The following DEPDC5 variants were observed in gnomAD, a reference collection of about 807,000 sequenced individuals.
DEPDC5 encodes the protein GATOR1 complex protein DEPDC5.
DEPDC5 carries 73 observed loss-of-function variants against 217.3 expected under a neutral mutation model. The observed-to-expected ratio is 0.34, with a 90% confidence interval of 0.28 to 0.41. DEPDC5 has a LOEUF of 0.41. Among genes scored for constraint, DEPDC5 ranks in the 10% least tolerant of loss-of-function variants. The pLI, the probability that DEPDC5 is intolerant of heterozygous loss-of-function variation, is 1.00. For synonymous variants in DEPDC5, 733 were observed against 756.7 expected, an observed-to-expected ratio of 0.97 and a Z score of 0.51; for missense variants, 1,675 against 2,070.1, an observed-to-expected ratio of 0.81 and a Z score of 3.70.
At chr22:31,783,767 T>G in intron 8 of DEPDC5, 140 bp from the exon 9 acceptor site, 1 of 599,620 alleles carries the variant, frequency 1.7e-6, no homozygotes, top group South Asian at 4.2e-5. Context: ...ATTTACCATC[T>G]TAACCATTTT....
intron 33 of DEPDC5, among the ~76,000 whole-genome samples, chr22:31,862,014 A>G (rs1471826769): frequency 7.3e-5 from 11 of 151,590 alleles, no homozygotes; most frequent in South Asian, 2.1e-4. Context: ...CGAGGCGGGC[A>G]GATCACCTGA....
intron 10 of DEPDC5, among the ~76,000 whole-genome samples, chr22:31,788,264 ATTTTTTTT>A (rs75378797): frequency 5.5e-5 from 5 of 90,702 alleles, no homozygotes; most frequent in South Asian, 3.4e-4. Context: ...GGATGACTGT[ATTTTTTTT>A]TTTTTTTTTT....
chr22:31,834,905 A>C (rs1275195016), intron 25 of DEPDC5, among the ~76,000 whole-genome samples: 1 of 152,224 alleles, frequency 6.6e-6, no homozygotes, highest in Non-Finnish European at 1.5e-5. Context: ...AACATTAAGC[A>C]TATTACTGTA....
chr22:31,841,342 A>G (rs949882198), intron 27 of DEPDC5, among the ~76,000 whole-genome samples: 1 of 152,228 alleles, frequency 6.6e-6, no homozygotes, highest in Non-Finnish European at 1.5e-5. Flanking sequence ...GCTGCCTGTC[A>G]CTGTGTGACT....
At chr22:31,764,163 A>T (rs1201224319) in intron 4 of DEPDC5, among the ~76,000 whole-genome samples, 3 of 152,044 alleles carry the variant, frequency 2.0e-5, no homozygotes, top group African/African-American at 7.2e-5. Flanking sequence ...TGAACTCCTG[A>T]CCTCATGATC....
Position 31,829,048 on chromosome 22 carries a change from A to G in DEPDC5, c.2105-4867A>G, listed in dbSNP as rs113763412. The stretch of plus-strand genomic sequence containing the variant: ...CCCCCTGCCCCTCACTGGACTTTCA[A>G]GCTGAGGCTCAGGTTCTTCATCTGT... On this transcript the variant is annotated intron_variant, in intron 24 of 42. Coordinates refer to ENST00000651528, the MANE Select transcript of DEPDC5 (RefSeq NM_001242896.3). Among the ~76,000 whole-genome samples the G allele has an allele frequency of 6.4e-3, 970 of 152,326 alleles. 2 individuals are homozygous for G. Among genetic ancestry groups the G allele is most frequent in the Middle Eastern group, 0.031 (9 of 294 alleles).
In DEPDC5 at chr22:31,897,637, C is replaced by T. The variant is rs377333936; in HGVS notation, c.4359C>T (p.Ser1453=). Residue 1453 remains serine, a synonymous_variant, in exon 40 of 43, where the codon AGC becomes AGT. Coordinates refer to ENST00000651528, the MANE Select transcript of DEPDC5 (RefSeq NM_001242896.3). ...TCAGCTGCTTGCTCAAGGAGGGCAGCGAGCACCTGTTTGATAGTAAGAAAT... is the reference window on the plus strand; with the variant it reads ...TCAGCTGCTTGCTCAAGGAGGGCAGTGAGCACCTGTTTGATAGTAAGAAAT... The part of the protein sequence containing the change: ...LNISCLLKEG[S]EHLFDSFEPE... The T allele has an allele frequency of 1.2e-5, 20 of 1,613,866 alleles. No individual in the cohort carries two copies. Among genetic ancestry groups the T allele is most frequent in the Middle Eastern group, 1.6e-4 (1 of 6,062 alleles).
chr22:31,773,493 G>A (rs1333605036), intron 7 of DEPDC5, among the ~76,000 whole-genome samples: 1 of 152,102 alleles, frequency 6.6e-6, no homozygotes, highest in Non-Finnish European at 1.5e-5. Flanking sequence ...ATGAGCCACC[G>A]CAGCTGGCCT....
intron 20 of DEPDC5, among the ~76,000 whole-genome samples, chr22:31,812,570 GCCCA>G (rs1377261625): frequency 0.018 from 2,275 of 127,128 alleles, 117 homozygotes; most frequent in South Asian, 0.042. Flanking sequence ...GACTACAGGC[GCCCA>G]CCACCACGCC....
At position 31,755,157 on chromosome 22, in the gene DEPDC5, T is replaced by C. The variant is rs946183356; in HGVS notation, c.58+178T>C. On this transcript the variant is annotated intron_variant, in intron 2 of 42. Transcript: ENST00000651528. ...AGGATGGCAGGACCCTTCTAATGCA[T>C]TTGCATTCAGACTTTTAAGGAACAT... The C allele has an allele frequency of 5.7e-5, 34 of 597,890 alleles. 1 individual carries two copies. The highest frequency in any genetic ancestry group is 3.9e-4 in the South Asian group (16 of 40,830). 37.0% of individuals were successfully genotyped at this position (597,890 alleles called of 1,614,324 possible).
rs772812141 is a variant in DEPDC5, at chr22:31,861,375, C to T, written c.3272C>T (p.Ala1091Val). 64 of 1,551,464 alleles carry T rather than the reference C, an allele frequency of 4.1e-5. 1 individual carries two copies. In the South Asian group the frequency reaches 6.2e-4, roughly 15 times the overall value. ...TYMDSPRKDG[A>V]FFMEFVRSPR... ...CTCCTCCTGTGACTTCAGGACGGGGCCTTCTTTATGGAGTTTGTCCGCAGC... is the reference window on the plus strand; with the variant it reads ...CTCCTCCTGTGACTTCAGGACGGGGTCTTCTTTATGGAGTTTGTCCGCAGC... The change falls in exon 33 of 43, where the codon GCC becomes GTC. Residue 1091 changes from alanine (A) to valine (V), a missense_variant. By Grantham distance (64) the Ala-to-Val change is moderately conservative. Coordinates refer to ENST00000651528, the MANE Select transcript of DEPDC5 (RefSeq NM_001242896.3).
intron 24 of DEPDC5, among the ~76,000 whole-genome samples, chr22:31,829,096 C>T (rs1490041890): frequency 6.6e-6 from 1 of 152,198 alleles, no homozygotes; most frequent in Non-Finnish European, 1.5e-5. Flanking sequence ...AAGATCCTCC[C>T]CTTCCTGACT....
intron 31 of DEPDC5, among the ~76,000 whole-genome samples, chr22:31,856,253 A>ACACG (rs1328107069): frequency 6.6e-6 from 1 of 151,354 alleles, no homozygotes; most frequent in Non-Finnish European, 1.5e-5. Flanking sequence ...ACACACACAC[A>ACACG]CTTCATTGCC....
intron 35 of DEPDC5, 24 bp from the exon 36 acceptor site, chr22:31,874,249 C>G: frequency 1.3e-6 from 2 of 1,599,274 alleles, no homozygotes; most frequent in African/African-American, 2.7e-5. Context: ...TCCCCTGCTC[C>G]CCGTTCACCG....
intron 10 of DEPDC5, among the ~76,000 whole-genome samples, chr22:31,790,430 C>T (rs1002322866): frequency 1.3e-5 from 2 of 152,168 alleles, no homozygotes; most frequent in Non-Finnish European, 2.9e-5. Flanking sequence ...TCTCCAGACT[C>T]CATGGAAATG....
At chr22:31,852,708 G>T (rs1051411842) in intron 31 of DEPDC5, among the ~76,000 whole-genome samples, 1 of 151,908 alleles carries the variant, frequency 6.6e-6, no homozygotes, top group East Asian at 1.9e-4. Context: ...AATGTACCTC[G>T]GAAAGACAAG....
rs2082844024 is a variant in DEPDC5, at chr22:31,766,662, A to G, written c.357A>G (p.Lys119=). The change falls in exon 6 of 43, where the codon AAA becomes AAG. Residue 119 remains lysine (K), a synonymous_variant. Coordinates refer to ENST00000651528, the MANE Select transcript of DEPDC5 (RefSeq NM_001242896.3). ...GTGGGGATATGTGGCGACTAAAGAAAAGTTTGGTAAGATGTGATTTTTTTT... is the reference window on the plus strand; with the variant it reads ...GTGGGGATATGTGGCGACTAAAGAAGAGTTTGGTAAGATGTGATTTTTTTT... The part of the protein sequence containing the change: ...IGRGDMWRLK[K]SLVSTCAYIT... 6.2e-7 allele frequency: 1 copy of G among 1,613,064 alleles called. No homozygotes were observed. The highest frequency in any genetic ancestry group is 2.2e-5 in the East Asian group (1 of 44,852).
intron 2 of DEPDC5, among the ~76,000 whole-genome samples, chr22:31,755,710 C>G (rs1186708015): frequency 2.6e-5 from 4 of 152,012 alleles, no homozygotes; most frequent in African/African-American, 9.7e-5. Context: ...GTACCCAGCT[C>G]TCCTTAGTGC....
chr22:31,770,341 A>C (rs979045423), intron 7 of DEPDC5, among the ~76,000 whole-genome samples: 1 of 151,716 alleles, frequency 6.6e-6, no homozygotes, highest in African/African-American at 2.4e-5. Context: ...TTCTTTCCTG[A>C]AATTTACTGT....
Sources: gnomAD v4.1 joint callset for allele counts (sites outside exome capture counted in the v4.1 genomes callset) on GRCh38, gnomAD v4.1.1 for gene constraint, MANE v1.5 for transcripts, NCBI Gene and HGNC (gene_info 2026-07-23, HGNC 2026-07-21) for gene names.